Variants in RFX8 observed in about 807,000 individuals in gnomAD.
RFX8 encodes regulatory factor X8.
RFX8 carries 46 observed loss-of-function variants against 54.6 expected under a neutral mutation model. That is an observed-to-expected ratio of 0.84 (90% CI 0.67 to 1.08). The LOEUF is 1.08. Among genes scored for constraint, RFX8 ranks in the 50% least tolerant of loss-of-function variants. RFX8 has a pLI of 0.00. For missense variants in RFX8, 536 were observed against 562.3 expected, an observed-to-expected ratio of 0.95 and a Z score of 0.47; for synonymous variants, 192 against 209.5, an observed-to-expected ratio of 0.92 and a Z score of 0.72.
At chr2:101,414,831 C>T in intron 7 of RFX8, 23 bp downstream of exon 7, 1 of 1,534,996 alleles carries the variant, frequency 6.5e-7, no homozygotes, top group Non-Finnish European at 8.8e-7. Flanking sequence ...TTGTTCCCTC[C>T]TATCTGCTTG....
intron 10 of RFX8, among the ~76,000 whole-genome samples, chr2:101,403,508 T>C (rs569969585): frequency 6.6e-6 from 1 of 152,214 alleles, no homozygotes; most frequent in East Asian, 1.9e-4. Flanking sequence ...CACATCAGGC[T>C]GGGCACAGCG....
intron 8 of RFX8, among the ~76,000 whole-genome samples, chr2:101,412,330 A>G (rs1686187890): frequency 1.3e-5 from 2 of 152,230 alleles, no homozygotes; most frequent in South Asian, 4.1e-4. Context: ...CCAGCCAGCA[A>G]CGCAAGCTCT....
At chr2:101,459,777 C>G (rs1344491809) in intron 2 of RFX8, among the ~76,000 whole-genome samples, 2 of 152,182 alleles carry the variant, frequency 1.3e-5, no homozygotes, top group African/African-American at 4.8e-5. Context: ...AGCTGTCAGA[C>G]AGGGACGTTT....
rs1032554626 is a variant in RFX8 at position 101,453,655 on chromosome 2, G to C, written c.72+13122C>G. 6.6e-5 allele frequency among the ~76,000 whole-genome samples: 10 copies of C among 152,084 alleles called. No homozygotes were observed. The East Asian group carries it at 1.9e-3, about 29-fold the overall frequency. On this transcript the variant is annotated intron_variant, in intron 2 of 11. Transcript: ENST00000428343. ...TTTCAAAGCCCCAATATGTGTAAGC[G>C]TTCTCTGTGTTTCATATTTAATACC...
intron 2 of RFX8, chr2:101,450,747 A>G: frequency 1.3e-6 from 1 of 799,968 alleles, no homozygotes; most frequent in Non-Finnish European, 2.0e-6. Context: ...AAGGCAGAGA[A>G]TAGGCGAACT....
At chr2:101,417,938 T>G in intron 5 of RFX8, among the ~76,000 whole-genome samples, 1 of 152,214 alleles carries the variant, frequency 6.6e-6, no homozygotes, top group Admixed American at 6.5e-5. Context: ...TCACCCAGGC[T>G]GGAGTGCAGT....
intron 1 of RFX8, among the ~76,000 whole-genome samples, chr2:101,469,538 G>A (rs79608385): frequency 0.024 from 3,578 of 152,040 alleles, 147 homozygotes; most frequent in African/African-American, 0.081. Flanking sequence ...GGCTAAATCC[G>A]GGAAACTGTG....
chr2:101,420,269 C>A (rs1484951066), intron 4 of RFX8, among the ~76,000 whole-genome samples: 2 of 152,064 alleles, frequency 1.3e-5, no homozygotes, highest in South Asian at 2.1e-4. Flanking sequence ...AGGCTGGGCG[C>A]GGTGGTTCAC....
At chr2:101,454,507 C>T (rs1373979896) in intron 2 of RFX8, among the ~76,000 whole-genome samples, 1 of 152,168 alleles carries the variant, frequency 6.6e-6, no homozygotes, top group African/African-American at 2.4e-5. Flanking sequence ...ATATACACTC[C>T]CACCAACAGT....
chr2:101,443,121 G>A (rs180991916), intron 2 of RFX8, among the ~76,000 whole-genome samples: 3 of 152,266 alleles, frequency 2.0e-5, no homozygotes, highest in East Asian at 1.9e-4. Flanking sequence ...CTTTTCCTAC[G>A]TCAGGCTTGG....
chr2:101,409,416 C>T (rs991036563), intron 9 of RFX8, among the ~76,000 whole-genome samples: 23 of 151,588 alleles, frequency 1.5e-4, no homozygotes, highest in Admixed American at 6.6e-4. Flanking sequence ...TTAGTAGAGA[C>T]GGGGTTTCAC....
intron 8 of RFX8, among the ~76,000 whole-genome samples, chr2:101,412,129 C>T (rs571842181): frequency 1.6e-4 from 25 of 152,286 alleles, no homozygotes; most frequent in African/African-American, 5.8e-4. Context: ...GGCATCTTGG[C>T]AGCGAGTGTT....
intron 2 of RFX8, among the ~76,000 whole-genome samples, chr2:101,456,876 T>C (rs1558885078): frequency 6.6e-6 from 1 of 152,202 alleles, no homozygotes; most frequent in Non-Finnish European, 1.5e-5. Flanking sequence ...CAATAATTAT[T>C]GCCTCAATTT....
intron 3 of RFX8, 74 bp from the exon 4 acceptor site, chr2:101,421,851 G>A: frequency 8.9e-7 from 1 of 1,119,290 alleles, no homozygotes; most frequent in Non-Finnish European, 1.3e-6. Context: ...AGACTTTTCT[G>A]AAGCTCTCAG....
chr2:101,469,192 A>C (rs1689838340), intron 1 of RFX8, among the ~76,000 whole-genome samples: 1 of 147,718 alleles, frequency 6.8e-6, no homozygotes, highest in African/African-American at 2.5e-5. Flanking sequence ...AGAGAGAGAG[A>C]GACTCCCTCT....
rs561253330 is a variant in RFX8 at position 101,426,161 on chromosome 2, A to G, written c.73-3689T>C. 7.9e-5 allele frequency among the ~76,000 whole-genome samples: 12 copies of G among 152,326 alleles called. No homozygotes were observed. The South Asian group carries it at 2.5e-3, about 32-fold the overall frequency. On this transcript the variant is annotated intron_variant, in intron 2 of 11. Coordinates refer to ENST00000428343, the MANE Select transcript of RFX8 (RefSeq NM_001145664.2). The stretch of plus-strand genomic sequence containing the variant: ...AAAATATCACGCATATCCAGAAAAT[A>G]TATACATCTATTATATATCAGTCTT...
At chr2:101,431,129 A>T (rs2037081) in intron 2 of RFX8, among the ~76,000 whole-genome samples, 1 of 13,886 alleles carries the variant, frequency 7.2e-5, no homozygotes, top group Middle Eastern at 0.1. Context: ...CATCCATCCA[A>T]CCAACCATCC....
At chr2:101,472,407 G>A (rs1348439984) in intron 1 of RFX8, among the ~76,000 whole-genome samples, 2 of 151,984 alleles carry the variant, frequency 1.3e-5, no homozygotes, top group African/African-American at 2.4e-5. Context: ...CGGCCTCAAC[G>A]ATCTGTTAAA....
At chr2:101,452,049 C>T (rs758180601) in intron 2 of RFX8, among the ~76,000 whole-genome samples, 84 of 152,186 alleles carry the variant, frequency 5.5e-4, no homozygotes, top group Non-Finnish European at 1.0e-3. Flanking sequence ...GCAACGATTG[C>T]AGCATTGCAC....
Sources: gnomAD v4.1 joint callset for allele counts (sites outside exome capture counted in the v4.1 genomes callset) on GRCh38, gnomAD v4.1.1 for gene constraint, MANE v1.5 for transcripts, NCBI Gene and HGNC (gene_info 2026-07-23, HGNC 2026-07-21) for gene names.